Variants in ZNFX1 observed in about 807,000 individuals in gnomAD.
The protein encoded by ZNFX1 is zinc finger NFX1-type containing 1, also known as NFX1-type zinc finger-containing protein 1.
Under a neutral mutation model 179.8 loss-of-function variants are expected in ZNFX1, and 78 were observed. That is an observed-to-expected ratio of 0.43 (90% CI 0.36 to 0.52). The LOEUF is 0.52. Ranked by LOEUF, ZNFX1 falls within the 20% of genes least tolerant of loss-of-function variation. The pLI is 0.00. For synonymous variants in ZNFX1, 848 were observed against 868.5 expected (o/e 0.98, Z 0.42); for missense variants, 1,927 against 2,386.6 (o/e 0.81, Z 4.01).
rs138354170 is a variant in ZNFX1 at position 49,249,308 on chromosome 20, T to C, written c.3716A>G (p.Lys1239Arg). 8.1e-6 allele frequency: 13 copies of C among 1,614,280 alleles called. No homozygotes were observed. Among genetic ancestry groups the C allele is most frequent in the Non-Finnish European group, 1.1e-5 (13 of 1,180,056 alleles). Reference sequence around the variant, plus strand: ...AATGATCTTGCTCCACAGGGGCACCTTGGCCAGCATCTGCATGTTTCCGAT... The same window carrying C: ...AATGATCTTGCTCCACAGGGGCACCCTGGCCAGCATCTGCATGTTTCCGAT... The part of the protein sequence containing the change: ...YCIGNMQMLA[K>R]VPLWSKIIHT... The change falls in exon 14 of 14, where the codon AAG (lysine) becomes AGG (arginine). Residue 1239 changes from lysine (K) to arginine (R), a missense_variant. Coordinates refer to ENST00000396105, the MANE Select transcript of ZNFX1 (RefSeq NM_021035.3).
chr20:49,274,209 T>C (rs1054576149), intron 2 of ZNFX1, among the ~76,000 whole-genome samples: 1 of 152,198 alleles, frequency 6.6e-6, no homozygotes, highest in Non-Finnish European at 1.5e-5. Flanking sequence ...GAAATGTAAC[T>C]ACTTTGAATT....
intron 13 of ZNFX1, among the ~76,000 whole-genome samples, chr20:49,250,274 T>G (rs979770507): frequency 7.2e-5 from 11 of 151,762 alleles, no homozygotes; most frequent in Admixed American, 1.3e-4. Flanking sequence ...AAATAGAAAA[T>G]AAAACAGCCA....
At chr20:49,253,920 C>CTGTCGCT in intron 10 of ZNFX1, 109 bp from the exon 11 acceptor site, 1 of 1,313,796 alleles carries the variant, frequency 7.6e-7, no homozygotes, top group Non-Finnish European at 1.1e-6. Context: ...CCTGCATCAG[C>CTGTCGCT]GACAGCTGGT....
In ZNFX1 at chr20:49,257,538, C is replaced by G. The variant is rs139657531; in HGVS notation, c.2543G>C (p.Arg848Pro). ...IEEEEVVRPQ[R>P]RKKEESGADQ... ...TGCTCCACTCTCTTCCTTCTTCCGC[C>G]GCTGGGGCCTCACCACCTCTTCCTC... Residue 848 changes from arginine (R) to proline (P), a missense_variant, in exon 8 of 14, where the codon CGG (arginine) becomes CCG (proline). By Grantham distance (103) the Arg-to-Pro change is moderately radical. Coordinates refer to ENST00000396105, the MANE Select transcript of ZNFX1 (RefSeq NM_021035.3). The G allele has an allele frequency of 6.2e-7, 1 of 1,613,864 alleles. No homozygotes were observed. Among genetic ancestry groups the G allele is most frequent in the Non-Finnish European group, 8.5e-7 (1 of 1,180,004 alleles).
At position 49,265,485 on chromosome 20, in the gene ZNFX1, G is replaced by C. The variant is rs377296250; in HGVS notation, c.2003-621C>G. Reference sequence around the variant, plus strand: ...GCAGGGGACATTACCTAGTCTGGGTGGGGTAGGGATCTATTTTTAAGAATC... The same window carrying C: ...GCAGGGGACATTACCTAGTCTGGGTCGGGTAGGGATCTATTTTTAAGAATC... On this transcript the variant is annotated intron_variant, in intron 4 of 13. Coordinates refer to ENST00000396105, the MANE Select transcript of ZNFX1 (RefSeq NM_021035.3). Among the ~76,000 whole-genome samples the C allele has an allele frequency of 1.9e-4, 29 of 152,240 alleles. No homozygotes were observed. The East Asian group carries it at 1.9e-3, about 10-fold the overall frequency.
chr20:49,263,340 T>C lies in ZNFX1; in HGVS notation c.2295A>G (p.Pro765=), dbSNP rs930753349. The C allele has an allele frequency of 2.5e-6, 4 of 1,613,276 alleles. No homozygotes were observed. Among genetic ancestry groups the C allele is most frequent in the Non-Finnish European group, 3.4e-6 (4 of 1,180,014 alleles). The change falls in exon 6 of 14, where the codon CCA becomes CCG. Residue 765 remains proline (P), a synonymous_variant. Coordinates refer to ENST00000396105, the MANE Select transcript of ZNFX1 (RefSeq NM_021035.3). ...PQHWESLMNG[P]VQDSEWICFQ... Reference sequence around the variant, plus strand: ...CCCCCAGGATGACCCCTACCTGCACTGGTCCATTCATGAGACTTTCCCAGT... The same window carrying C: ...CCCCCAGGATGACCCCTACCTGCACCGGTCCATTCATGAGACTTTCCCAGT...
In ZNFX1 at chr20:49,270,138, G is replaced by C. The variant is rs759555937; in HGVS notation, c.1674C>G (p.Thr558=). 1.2e-6 allele frequency: 2 copies of C among 1,614,128 alleles called. No individual in the cohort carries two copies. Among genetic ancestry groups the C allele is most frequent in the South Asian group, 2.2e-5 (2 of 91,086 alleles). ...YLLMGGRYDF[T]PLIENPSATG... ...TGGCTGAAGGATTCTCTATTAAGGGGGTAAAGTCGTATCTGCCCCCCATTA... is the reference window on the plus strand; with the variant it reads ...TGGCTGAAGGATTCTCTATTAAGGGCGTAAAGTCGTATCTGCCCCCCATTA... The change falls in exon 3 of 14, where the codon ACC becomes ACG. Residue 558 remains threonine (T), a synonymous_variant. Coordinates refer to ENST00000396105, the MANE Select transcript of ZNFX1 (RefSeq NM_021035.3). This position sits in a 1 kb window ranked among gnomAD's most constrained non-coding sequence, Gnocchi z 4.6.
intron 3 of ZNFX1, among the ~76,000 whole-genome samples, chr20:49,267,175 C>T (rs1308161840): frequency 3.9e-5 from 6 of 152,132 alleles, no homozygotes; most frequent in East Asian, 3.9e-4. Flanking sequence ...GGATTACAGG[C>T]GTGAGCCACC....
chr20:49,256,085 G>T (rs1980965665), intron 8 of ZNFX1, 138 bp from the exon 9 acceptor site: 3 of 1,105,018 alleles, frequency 2.7e-6, no homozygotes, highest in African/African-American at 1.6e-5. Context: ...TCTCCCAACA[G>T]CTCTTCCACT....
intron 11 of ZNFX1, among the ~76,000 whole-genome samples, chr20:49,253,232 C>A (rs1980887675): frequency 6.6e-6 from 1 of 152,126 alleles, no homozygotes. Flanking sequence ...TTGTGGGCCA[C>A]TTTAAGAAGC....
rs745530450 is a variant in ZNFX1 at position 49,248,923 on chromosome 20, C to T, written c.4101G>A (p.Glu1367=). 1 of 1,614,268 alleles carries T rather than the reference C, an allele frequency of 6.2e-7. No homozygotes were observed. Among genetic ancestry groups the T allele is most frequent in the Non-Finnish European group, 8.5e-7 (1 of 1,180,056 alleles). The change falls in exon 14 of 14, where the codon GAG becomes GAA. Residue 1367 remains glutamate, a synonymous_variant. Coordinates refer to ENST00000396105, the MANE Select transcript of ZNFX1 (RefSeq NM_021035.3). This position sits in a 1 kb window ranked among gnomAD's most constrained non-coding sequence, Gnocchi z 4.6. ...AAGGCTCCTGGCAGCAGAAATCTGACTCAGGCACGGAACAAGGGACCATTT... is the reference window on the plus strand; with the variant it reads ...AAGGCTCCTGGCAGCAGAAATCTGATTCAGGCACGGAACAAGGGACCATTT... The part of the protein sequence containing the change: ...HEQMVPCSVP[E]SDFCCQEPCS...
chr20:49,266,023 G>A, intron 4 of ZNFX1, 112 bp downstream of exon 4: 1 of 1,232,920 alleles, frequency 8.1e-7, no homozygotes, highest in Non-Finnish European at 1.2e-6. Flanking sequence ...GGCCATGTAA[G>A]TAATGATAAG....
chr20:49,248,597 T>C lies in ZNFX1; in HGVS notation c.4427A>G (p.Gln1476Arg), dbSNP rs766869316. ...TGGGCACTCACCAATGCATGGTTCC[T>C]GGCACTTGTGTGAGCAGATAAGCAG... ...KRLLICSHKC[Q>R]EPCIGECPPC... Residue 1476 changes from glutamine (Q) to arginine (R), a missense_variant, in exon 14 of 14, where the codon CAG becomes CGG. Physicochemically the swap from Gln to Arg is conservative, Grantham distance 43. Transcript: ENST00000396105. This position sits in a 1 kb window ranked among gnomAD's most constrained non-coding sequence, Gnocchi z 4.6. 1 of 1,614,078 alleles carries C rather than the reference T, an allele frequency of 6.2e-7. No individual in the cohort carries two copies. The highest frequency in any genetic ancestry group is 2.2e-5 in the East Asian group (1 of 44,890).
rs1462739686 is a variant in ZNFX1, at chr20:49,271,431, C to G, written c.381G>C (p.Trp127Cys). The G allele has an allele frequency of 1.2e-6, 2 of 1,614,062 alleles. No individual in the cohort carries two copies. The highest frequency in any genetic ancestry group is 1.3e-5 in the African/African-American group (1 of 74,928). Residue 127 changes from tryptophan (W) to cysteine (C), a missense_variant, in exon 3 of 14, where the codon TGG becomes TGC. Coordinates refer to ENST00000396105, the MANE Select transcript of ZNFX1 (RefSeq NM_021035.3). ...PPWSNDNFQQ[W>C]RTPHQKPTEQ... ...CTGTAGGCTTCTGGTGGGGAGTCCG[C>G]CACTGCTGGAAGTTGTCATTGGACC...
In ZNFX1 at chr20:49,247,219, C is replaced by A; in HGVS notation, c.*48G>T. 6.5e-7 allele frequency: 1 copy of A among 1,547,670 alleles called. No individual in the cohort carries two copies. The highest frequency in any genetic ancestry group is 8.7e-7 in the Non-Finnish European group (1 of 1,147,920). On this transcript the variant is annotated 3_prime_UTR_variant, in exon 14 of 14. Transcript: ENST00000396105. ...TTCAGTTCCTTCATTAGGGAGCTGG[C>A]CCCAGTCATTCAGTGGCGAGGGCAA...
At chr20:49,253,836 G>T (rs548280847) in intron 10 of ZNFX1, 25 bp from the exon 11 acceptor site, 7 of 1,612,316 alleles carry the variant, frequency 4.3e-6, no homozygotes, top group Admixed American at 1.7e-5. Context: ...GAAGAGAAAG[G>T]CTCCTCTGAG....
chr20:49,255,488 C>G (rs1436666641), intron 9 of ZNFX1, among the ~76,000 whole-genome samples: 2 of 79,304 alleles, frequency 2.5e-5, no homozygotes, highest in Non-Finnish European at 6.9e-5. Context: ...TGCCTGTTAC[C>G]TCTCTGTTCT....
Position 49,257,632 on chromosome 20 carries a change from C to T in ZNFX1, c.2449G>A (p.Glu817Lys). 2 of 1,613,976 alleles carry T rather than the reference C, an allele frequency of 1.2e-6. No individual in the cohort carries two copies. Among genetic ancestry groups the T allele is most frequent in the South Asian group, 2.2e-5 (2 of 91,066 alleles). Residue 817 changes from glutamate (E) to lysine (K), a missense_variant, in exon 8 of 14, where the codon GAG becomes AAG. Physicochemically the swap from Glu to Lys is moderately conservative, Grantham distance 56. Coordinates refer to ENST00000396105, the MANE Select transcript of ZNFX1 (RefSeq NM_021035.3). ...ATCTCTATCAGCGAACTCTCCTCCT[C>T]CCCTTCTTCCTCCTCATCCCCTTCT... ...QAEGDEEEEG[E>K]EESSLIEIAE...
At chr20:49,269,498 A>G (rs535884662) in intron 3 of ZNFX1, among the ~76,000 whole-genome samples, 9 of 152,304 alleles carry the variant, frequency 5.9e-5, no homozygotes, top group African/African-American at 2.2e-4. Context: ...CCTGTCTAAC[A>G]TGGTGAAACC....
Sources: gnomAD v4.1 joint callset for allele counts (sites outside exome capture counted in the v4.1 genomes callset) on GRCh38, gnomAD v4.1.1 for gene constraint, Gnocchi (gnomAD v3.1) non-coding constraint, MANE v1.5 for transcripts, NCBI Gene and HGNC (gene_info 2026-07-23, HGNC 2026-07-21) for gene names.